Variants in MAP2K4 observed in about 807,000 individuals in gnomAD.
The protein encoded by MAP2K4 is mitogen-activated protein kinase kinase 4.
Under a neutral mutation model 48.5 loss-of-function variants are expected in MAP2K4, and 4 were observed. The observed-to-expected ratio is 0.08, with a 90% CI of 0.04 to 0.19. The LOEUF (loss-of-function observed/expected upper bound fraction) is 0.19. Ranked by LOEUF, MAP2K4 falls within the 10% of genes least tolerant of loss-of-function variation. MAP2K4 has a pLI of 1.00. For synonymous variants in MAP2K4, 166 were observed against 173.1 expected (o/e 0.96, Z 0.32); for missense variants, 258 against 493.3 (o/e 0.52, Z 4.52).
intron 1 of MAP2K4, among the ~76,000 whole-genome samples, chr17:12,041,169 T>G (rs1330440536): frequency 2.6e-5 from 4 of 152,382 alleles, no homozygotes; most frequent in East Asian, 1.9e-4. Context: ...GCAAATAGTT[T>G]TTTATTGTGT....
At chr17:12,103,884 T>C (rs1397478576) in intron 4 of MAP2K4, among the ~76,000 whole-genome samples, 14 of 152,208 alleles carry the variant, frequency 9.2e-5, no homozygotes, top group Admixed American at 8.5e-4. Flanking sequence ...ATTCTAATGA[T>C]TAAATACACC....
intron 3 of MAP2K4, among the ~76,000 whole-genome samples, chr17:12,086,273 G>A (rs575222721): frequency 6.6e-6 from 1 of 152,248 alleles, no homozygotes; most frequent in African/African-American, 2.4e-5. Flanking sequence ...TGATTGAGCT[G>A]TATTCTTTTA....
rs9897768 is a variant in MAP2K4, at chr17:12,025,629, T to G, written c.115+4628T>G. 2.1e-3 allele frequency among the ~76,000 whole-genome samples: 322 copies of G among 152,338 alleles called. 2 individuals carry two copies. The highest frequency in any genetic ancestry group is 6.9e-3 in the African/African-American group (286 of 41,580). On this transcript the variant is annotated intron_variant, in intron 1 of 10. Coordinates refer to ENST00000353533, the MANE Select transcript of MAP2K4 (RefSeq NM_003010.4). ...AAGTTCTGATTTACAGAAAACTTTG[T>G]GACCAGTCGAGTCCTTAGCTATTTA...
At chr17:12,086,803 T>C (rs931744944) in intron 3 of MAP2K4, among the ~76,000 whole-genome samples, 4 of 151,754 alleles carry the variant, frequency 2.6e-5, no homozygotes, top group African/African-American at 9.7e-5. Flanking sequence ...CCAACTTACA[T>C]AGTTATCTGG....
chr17:12,080,311 T>C (rs762220506), intron 2 of MAP2K4, among the ~76,000 whole-genome samples: 3 of 152,234 alleles, frequency 2.0e-5, no homozygotes, highest in Admixed American at 2.0e-4. Context: ...GATCATTTAG[T>C]ATGAAACTGA....
intron 7 of MAP2K4, among the ~76,000 whole-genome samples, chr17:12,122,456 A>G (rs1046334297): frequency 6.6e-6 from 1 of 152,212 alleles, no homozygotes; most frequent in Non-Finnish European, 1.5e-5. Context: ...GTCTTAGAAT[A>G]CTGTTATTGG....
chr17:12,084,593 A>G (rs992649298), intron 3 of MAP2K4, among the ~76,000 whole-genome samples: 1 of 152,162 alleles, frequency 6.6e-6, no homozygotes, highest in Non-Finnish European at 1.5e-5. Flanking sequence ...CCTGTTTTGC[A>G]CGGTGGTGGG....
chr17:12,128,106 C>T (rs902111367), intron 8 of MAP2K4, among the ~76,000 whole-genome samples: 3 of 152,176 alleles, frequency 2.0e-5, no homozygotes, highest in African/African-American at 7.2e-5. Context: ...GAGATGGAGT[C>T]TCTCTCTGTC....
chr17:12,032,403 T>G (rs1408471226), intron 1 of MAP2K4: 2 of 454,212 alleles, frequency 4.4e-6, no homozygotes, highest in Non-Finnish European at 7.3e-6. Flanking sequence ...ATGGCAATTT[T>G]ACATTCAAAG....
At chr17:12,082,874 T>A (rs1036930424) in intron 3 of MAP2K4, among the ~76,000 whole-genome samples, 10 of 152,210 alleles carry the variant, frequency 6.6e-5, no homozygotes, top group Non-Finnish European at 1.2e-4. Flanking sequence ...ATAAAATGTT[T>A]TATTGGAATG....
In MAP2K4 at chr17:12,074,264, T is replaced by G. The variant is rs182396064; in HGVS notation, c.219-7092T>G. 2.2e-3 allele frequency among the ~76,000 whole-genome samples: 334 copies of G among 152,338 alleles called. 2 individuals are homozygous for G. The highest frequency in any genetic ancestry group is 6.8e-3 in the Middle Eastern group (2 of 294). The stretch of plus-strand genomic sequence containing the variant: ...TTGATTGATGTTTTTCTCTTCACTA[T>G]GGGTCATGTTTTTCTGCTTTTTTGT... On this transcript the variant is annotated intron_variant, in intron 2 of 10. Coordinates refer to ENST00000353533, the MANE Select transcript of MAP2K4 (RefSeq NM_003010.4).
chr17:12,110,258 A>T lies in MAP2K4; in HGVS notation c.634-117A>T, dbSNP rs374226691. 25 of 708,166 alleles carry T rather than the reference A, an allele frequency of 3.5e-5. 1 individual carries two copies. The highest frequency in any genetic ancestry group is 1.3e-4 in the African/African-American group (7 of 54,250). The allele number at this position is 708,166 out of a possible 1,614,324, so 43.9% of individuals were successfully genotyped here. ...TAACAAGAAATGACAAAATATTGAAATATTAAGCTTAAAATGTATGCAGAG... is the reference window on the plus strand; with the variant it reads ...TAACAAGAAATGACAAAATATTGAATTATTAAGCTTAAAATGTATGCAGAG... On this transcript the variant is annotated intron_variant, in intron 5 of 10. Coordinates refer to ENST00000353533, the MANE Select transcript of MAP2K4 (RefSeq NM_003010.4).
At chr17:12,070,969 C>T (rs758670133) in intron 2 of MAP2K4, among the ~76,000 whole-genome samples, 44 of 152,174 alleles carry the variant, frequency 2.9e-4, no homozygotes, top group African/African-American at 8.2e-4. Context: ...ATGCTTCTCC[C>T]GAAGGTTCTG....
chr17:12,088,911 C>CTTT (rs5819350), intron 3 of MAP2K4, among the ~76,000 whole-genome samples: 1 of 128,226 alleles, frequency 7.8e-6, no homozygotes, highest in Admixed American at 8.1e-5. Context: ...AATACAGATT[C>CTTT]TTTTTTTTTT....
At chr17:12,095,930 T>G (rs1181543220) in intron 4 of MAP2K4, among the ~76,000 whole-genome samples, 3 of 150,114 alleles carry the variant, frequency 2.0e-5, no homozygotes, top group Non-Finnish European at 3.0e-5. Context: ...TGTGTGTGTA[T>G]TTTAGTATTG....
Position 12,130,835 on chromosome 17 carries a change from A to G in MAP2K4, c.1040+1548A>G, listed in dbSNP as rs141645561. ...GATCATTCAGATTTCTCATAATCCAATATTGATTTTCTTATAATCCAATAT... is the reference window on the plus strand; with the variant it reads ...GATCATTCAGATTTCTCATAATCCAGTATTGATTTTCTTATAATCCAATAT... On this transcript the variant is annotated intron_variant, in intron 9 of 10. Transcript: ENST00000353533. Among the ~76,000 whole-genome samples the G allele has an allele frequency of 3.7e-3, 558 of 152,318 alleles. 5 individuals are homozygous for G. Among genetic ancestry groups the G allele is most frequent in the African/African-American group, 0.013 (538 of 41,584 alleles).
chr17:12,081,554 T>C lies in MAP2K4; in HGVS notation c.393+24T>C, dbSNP rs1971185485. On this transcript the variant is annotated intron_variant, in intron 3 of 10. Transcript: ENST00000353533. This position sits in a 1 kb window ranked among gnomAD's most constrained non-coding sequence, Gnocchi z 4.2. ...AAGTAGGTGATGCCATGATTATTTT[T>C]GGTACTTTAATCCATTAGGTGAAAT... 6.8e-6 allele frequency: 11 copies of C among 1,611,048 alleles called. No homozygotes were observed. The highest frequency in any genetic ancestry group is 9.3e-6 in the Non-Finnish European group (11 of 1,178,070).
At chr17:12,115,277 T>C (rs563106522) in intron 7 of MAP2K4, among the ~76,000 whole-genome samples, 1 of 152,142 alleles carries the variant, frequency 6.6e-6, no homozygotes, top group Non-Finnish European at 1.5e-5. Flanking sequence ...TGCTTAACCG[T>C]GGGAATATGT....
chr17:12,097,645 G>A (rs913820086), intron 4 of MAP2K4, among the ~76,000 whole-genome samples: 2 of 152,142 alleles, frequency 1.3e-5, no homozygotes, highest in African/African-American at 4.8e-5. Flanking sequence ...ATGCTTTGTT[G>A]TTTTCACATA....
Sources: allele counts gnomAD v4.1 joint callset (sites outside exome capture counted in the v4.1 genomes callset), GRCh38; gene constraint gnomAD v4.1.1; non-coding constraint Gnocchi (gnomAD v3.1); transcripts MANE v1.5; gene names NCBI Gene and HGNC (gene_info 2026-07-23, HGNC 2026-07-21).